FBXO31: variants seen among roughly 807,000 people sequenced by gnomAD.
FBXO31 encodes the protein F-box protein 31, also known as F-box only protein 31.
A neutral mutation model predicts 54.4 loss-of-function variants in FBXO31; 24 were observed. That is an observed-to-expected ratio of 0.44 (90% confidence interval 0.32 to 0.62). The LOEUF is 0.62. Ranked by LOEUF, FBXO31 falls within the 20% of genes least tolerant of loss-of-function variation. FBXO31 has a pLI of 0.05. For missense variants in FBXO31, 665 were observed against 787.1 expected (o/e 0.84, Z 1.86); for synonymous variants, 388 against 335.6 (o/e 1.16, Z -1.71).
chr16:87,349,640 G>C (rs906348624), intron 2 of FBXO31, among the ~76,000 whole-genome samples: 1 of 152,120 alleles, frequency 6.6e-6, no homozygotes, highest in African/African-American at 2.4e-5. Flanking sequence ...GAACAGGGAG[G>C]CGGAGGCTGC....
upstream of FBXO31, among the ~76,000 whole-genome samples, chr16:87,384,427 G>A (rs1597383259): frequency 6.6e-6 from 1 of 152,320 alleles, no homozygotes; most frequent in East Asian, 1.9e-4. Flanking sequence ...CGCGGCCCAA[G>A]AGATCCGGGG....
chr16:87,377,062 G>C (rs910555313), intron 1 of FBXO31, among the ~76,000 whole-genome samples: 1 of 152,366 alleles, frequency 6.6e-6, no homozygotes, highest in East Asian at 1.9e-4. Flanking sequence ...TCGTGAAACT[G>C]AAAATCTAGT....
chr16:87,384,570 C>T (rs1028045355), upstream of FBXO31, among the ~76,000 whole-genome samples: 6 of 152,210 alleles, frequency 3.9e-5, no homozygotes, highest in Non-Finnish European at 8.8e-5. Flanking sequence ...GGGGTCGTCT[C>T]CCAGGTCCGC....
intron 3 of FBXO31, among the ~76,000 whole-genome samples, chr16:87,344,932 G>C (rs1031966914): frequency 5.0e-5 from 7 of 140,124 alleles, no homozygotes; most frequent in Admixed American, 4.2e-4. Context: ...CCTGGGGGCA[G>C]AGCCCATCCC....
At chr16:87,340,115 T>C (rs1370126345) in intron 5 of FBXO31, among the ~76,000 whole-genome samples, 1 of 152,108 alleles carries the variant, frequency 6.6e-6, no homozygotes, top group African/African-American at 2.4e-5. Flanking sequence ...AAAACCTGTC[T>C]CCGCTAAAAA....
intron 2 of FBXO31, among the ~76,000 whole-genome samples, chr16:87,349,382 G>T (rs571049251): frequency 1.3e-5 from 2 of 152,342 alleles, no homozygotes; most frequent in South Asian, 2.1e-4. Context: ...TGTGGAACAC[G>T]TTGGGGCAGA....
chr16:87,344,074 G>A (rs997918389), intron 3 of FBXO31, among the ~76,000 whole-genome samples: 15 of 152,252 alleles, frequency 9.9e-5, no homozygotes, highest in African/African-American at 2.7e-4. Flanking sequence ...GGCCTCGTTC[G>A]CGTCCTGAGC....
chr16:87,327,757 C>G lies in FBXO31; in HGVS notation c.*3531G>C, dbSNP rs924294924. The G allele has an allele frequency of 2.6e-5, 4 of 152,276 alleles. No individual in the cohort carries two copies. Among genetic ancestry groups the G allele is most frequent in the Admixed American group, 6.5e-5 (1 of 15,288 alleles). The allele number at this position is 152,276 out of a possible 1,614,324, so 9.4% of individuals were successfully genotyped here. On this transcript the variant is annotated 3_prime_UTR_variant, in exon 9 of 9. Coordinates refer to ENST00000311635, the MANE Select transcript of FBXO31 (RefSeq NM_024735.5). ...AGGAGTCCAGTGATGTTCCTGGTCT[C>G]TCCCCAGAAGTACAGACAGGTTGGG...
At chr16:87,388,908 T>C (rs1301450716) in intron 1 of FBXO31, 1 of 152,228 alleles carries the variant, frequency 6.6e-6, no homozygotes, top group Non-Finnish European at 1.5e-5. Context: ...TTACATGGAT[T>C]ATTACAGGGA....
At position 87,327,240 on chromosome 16, in the gene FBXO31, C is replaced by G. The variant is rs1319345456; in HGVS notation, c.*4048G>C. Reference sequence around the variant, plus strand: ...AGAATCAGGCCAAAACCCACACAGCCCTGACCCCCTCGTGCTCTGGCTGGT... The same window carrying G: ...AGAATCAGGCCAAAACCCACACAGCGCTGACCCCCTCGTGCTCTGGCTGGT... On this transcript the variant is annotated 3_prime_UTR_variant, in exon 9 of 9. Transcript: ENST00000311635. 1 of 152,848 alleles carries G rather than the reference C, an allele frequency of 6.5e-6. No individual in the cohort carries two copies. The highest frequency in any genetic ancestry group is 6.5e-5 in the Admixed American group (1 of 15,278). The allele number at this position is 152,848 out of a possible 1,614,324, so 9.5% of individuals were successfully genotyped here.
At position 87,329,124 on chromosome 16, in the gene FBXO31, G is replaced by A. The variant is rs1463977144; in HGVS notation, c.*2164C>T. ...CGGAAAAAACAAGACCTGTAGTCAC[G>A]ACTGAAGGGACTGGCTGTGCGGCCA... On this transcript the variant is annotated 3_prime_UTR_variant, in exon 9 of 9. Coordinates refer to ENST00000311635, the MANE Select transcript of FBXO31 (RefSeq NM_024735.5). The A allele has an allele frequency of 2.0e-5, 3 of 152,502 alleles. No individual in the cohort carries two copies. The highest frequency in any genetic ancestry group is 2.9e-5 in the Non-Finnish European group (2 of 68,178). 9.4% of individuals were successfully genotyped at this position (152,502 alleles called of 1,614,324 possible).
upstream of FBXO31, chr16:87,383,794 G>T (rs1907201270): frequency 6.1e-6 from 7 of 1,143,860 alleles, no homozygotes; most frequent in African/African-American, 1.6e-5. This position sits in a 1 kb window ranked among gnomAD's most constrained non-coding sequence, Gnocchi z 4.9. Flanking sequence ...CTCCAGCGCG[G>T]CCCCGCCCCG....
chr16:87,376,350 T>C lies in FBXO31; in HGVS notation c.340+7055A>G, dbSNP rs532356746. 5.9e-5 allele frequency among the ~76,000 whole-genome samples: 9 copies of C among 152,070 alleles called. No individual in the cohort carries two copies. The South Asian group carries it at 1.9e-3, about 32-fold the overall frequency. On this transcript the variant is annotated intron_variant, in intron 1 of 8. Transcript: ENST00000311635. ...GTGCAGTGGCGCGATCTCAGCTCAC[T>C]GTAACCTCTGCCTCCAAGGTTCAAG...
In FBXO31 at chr16:87,345,951, A is replaced by C. The variant is rs1052346171; in HGVS notation, c.489+1223T>G. The stretch of plus-strand genomic sequence containing the variant: ...GAGAACACAGCCCCATGCTGCACAC[A>C]GGCAGTTGCACGAGGCACCTGCGGA... On this transcript the variant is annotated intron_variant, in intron 3 of 8. Coordinates refer to ENST00000311635, the MANE Select transcript of FBXO31 (RefSeq NM_024735.5). The surrounding 1 kb of genome is among the most constrained non-coding windows in gnomAD (Gnocchi z 4.9). 1.3e-5 allele frequency among the ~76,000 whole-genome samples: 2 copies of C among 152,178 alleles called. No individual in the cohort carries two copies.
At chr16:87,364,847 G>C (rs573845587) in intron 1 of FBXO31, among the ~76,000 whole-genome samples, 1 of 150,594 alleles carries the variant, frequency 6.6e-6, no homozygotes, top group African/African-American at 2.4e-5. Flanking sequence ...CATGGCGAGA[G>C]CCCATCTCTA....
rs1904706991 is a variant in FBXO31 at position 87,327,961 on chromosome 16, A to T, written c.*3327T>A. On this transcript the variant is annotated 3_prime_UTR_variant, in exon 9 of 9. Coordinates refer to ENST00000311635, the MANE Select transcript of FBXO31 (RefSeq NM_024735.5). The stretch of plus-strand genomic sequence containing the variant: ...TGCAGCACCTTGGACGGTGGACCAC[A>T]GCTCAGCATCTCCTGTTCGCACCCA... The T allele has an allele frequency of 6.6e-6, 1 of 152,264 alleles. No individual in the cohort carries two copies. The allele number at this position is 152,264 out of a possible 1,614,324, so 9.4% of individuals were successfully genotyped here. A position where few individuals can be genotyped will look rare whatever the true frequency, so the allele number is the denominator to read the frequency against.
rs149105745 is a variant in FBXO31 at position 87,327,222 on chromosome 16, G to C, written c.*4066C>G. ...CCAGAAACAACCAAATGCAGAATCA[G>C]GCCAAAACCCACACAGCCCTGACCC... is the stretch of plus-strand genomic sequence containing the variant. On this transcript the variant is annotated 3_prime_UTR_variant, in exon 9 of 9. Coordinates refer to ENST00000311635, the MANE Select transcript of FBXO31 (RefSeq NM_024735.5). 2 of 152,922 alleles carry C rather than the reference G, an allele frequency of 1.3e-5. No individual in the cohort carries two copies. Among genetic ancestry groups the C allele is most frequent in the East Asian group, 3.8e-4 (2 of 5,198 alleles). The allele number at this position is 152,922 out of a possible 1,614,324, so 9.5% of individuals were successfully genotyped here.
intron 1 of FBXO31, among the ~76,000 whole-genome samples, chr16:87,378,561 A>G (rs1479633898): frequency 3.9e-5 from 6 of 152,246 alleles, no homozygotes; most frequent in Non-Finnish European, 8.8e-5. Context: ...TGACAGGGGT[A>G]CAAAGGGAAA....
At chr16:87,377,688 G>T (rs937820612) in intron 1 of FBXO31, among the ~76,000 whole-genome samples, 1 of 151,662 alleles carries the variant, frequency 6.6e-6, no homozygotes, top group Admixed American at 6.6e-5. Flanking sequence ...AATTAGCTGG[G>T]TGTGGTGGTG....
Sources: allele counts gnomAD v4.1 joint callset (sites outside exome capture counted in the v4.1 genomes callset), GRCh38; gene constraint gnomAD v4.1.1; non-coding constraint Gnocchi (gnomAD v3.1); transcripts MANE v1.5; gene names NCBI Gene and HGNC (gene_info 2026-07-23, HGNC 2026-07-21).